Variants in ARID5B observed in about 807,000 individuals in gnomAD.
ARID5B encodes the protein AT-rich interactive domain-containing protein 5B.
A neutral mutation model predicts 97.2 loss-of-function variants in ARID5B; 13 were observed. The ratio of observed to expected loss-of-function variants is 0.13; its 90% CI spans 0.09 to 0.21. The LOEUF is 0.21. ARID5B is among the 10% of genes least tolerant of loss of function. The pLI, the probability that ARID5B is intolerant of heterozygous loss-of-function variation, is 1.00. For missense variants in ARID5B, 1,210 were observed against 1,465.3 expected, an observed-to-expected ratio of 0.83 and a Z score of 2.84; for synonymous variants, 556 against 570.3, an observed-to-expected ratio of 0.97 and a Z score of 0.36.
chr10:61,976,346 C>A (rs1838698079), intron 3 of ARID5B, among the ~76,000 whole-genome samples: 1 of 152,150 alleles, frequency 6.6e-6, no homozygotes, highest in Non-Finnish European at 1.5e-5. Flanking sequence ...ATAACAGAAG[C>A]TATTCTATTG....
At chr10:62,089,189 A>T (rs537794725) in intron 9 of ARID5B, among the ~76,000 whole-genome samples, 1 of 152,332 alleles carries the variant, frequency 6.6e-6, no homozygotes, top group South Asian at 2.1e-4. Flanking sequence ...TCAAGAGACC[A>T]ATGTGATGAT....
intron 2 of ARID5B, among the ~76,000 whole-genome samples, chr10:61,905,065 A>G (rs1843687563): frequency 6.6e-6 from 1 of 152,254 alleles, no homozygotes; most frequent in Admixed American, 6.5e-5. Context: ...TAACTTGTTT[A>G]TATACATTTA....
At position 61,991,570 on chromosome 10, in the gene ARID5B, T is replaced by C. The variant is rs566709729; in HGVS notation, c.503-8521T>C. The stretch of plus-strand genomic sequence containing the variant: ...GGAGTTCTTTATGTATTCTAGTTAT[T>C]AATCCCTTATCAGGTATATGCTTTG... On this transcript the variant is annotated intron_variant, in intron 3 of 9. Coordinates refer to ENST00000279873, the MANE Select transcript of ARID5B (RefSeq NM_032199.3). Among the ~76,000 whole-genome samples, 55 of 152,338 alleles carry C rather than the reference T, an allele frequency of 3.6e-4. 1 individual carries two copies. The highest frequency in any genetic ancestry group is 1.1e-3 in the Admixed American group (17 of 15,304).
At chr10:61,933,015 C>T (rs1367140270) in intron 2 of ARID5B, among the ~76,000 whole-genome samples, 2 of 152,188 alleles carry the variant, frequency 1.3e-5, no homozygotes, top group Non-Finnish European at 2.9e-5. Context: ...GCCAGGAGTT[C>T]AGGCCATATG....
At chr10:62,028,632 T>C (rs1236063986) in intron 4 of ARID5B, among the ~76,000 whole-genome samples, 1 of 152,026 alleles carries the variant, frequency 6.6e-6, no homozygotes, top group African/African-American at 2.4e-5. Context: ...GGATATATTA[T>C]ATATATGAGG....
At chr10:62,012,849 A>G (rs1316257930) in intron 4 of ARID5B, among the ~76,000 whole-genome samples, 1 of 152,238 alleles carries the variant, frequency 6.6e-6, no homozygotes, top group African/African-American at 2.4e-5. Context: ...CTAATATTAC[A>G]TAAAATGAAT....
intron 2 of ARID5B, among the ~76,000 whole-genome samples, chr10:61,903,525 G>T (rs1477228450): frequency 1.3e-5 from 2 of 152,368 alleles, no homozygotes; most frequent in Admixed American, 6.5e-5. Flanking sequence ...GAGGGAGGGC[G>T]CACTGCCGCC....
chr10:61,940,511 T>C, intron 3 of ARID5B, 103 bp downstream of exon 3: 1 of 1,012,810 alleles, frequency 9.9e-7, no homozygotes, highest in Non-Finnish European at 1.4e-6. Flanking sequence ...TAAATGTATT[T>C]CAAATTTCTT....
At chr10:61,971,836 AAT>A (rs776089422) in intron 3 of ARID5B, among the ~76,000 whole-genome samples, 8 of 152,146 alleles carry the variant, frequency 5.3e-5, no homozygotes, top group Non-Finnish European at 1.0e-4. Context: ...TTTTTAATTG[AAT>A]ATATATTGGA....
Position 62,096,797 on chromosome 10 carries a change from C to G in ARID5B, c.*3767C>G. The G allele has an allele frequency of 4.3e-6, 1 of 233,588 alleles. No homozygotes were observed. The allele number at this position is 233,588 out of a possible 1,614,324, so 14.5% of individuals were successfully genotyped here. A position where few individuals can be genotyped will look rare whatever the true frequency, so the allele number is the denominator to read the frequency against. ...GAATGCTGAGCCAACTATAAACACT[C>G]AATTTTGTATGTTTTCCAAATTGTA... On this transcript the variant is annotated 3_prime_UTR_variant, in exon 10 of 10. Transcript: ENST00000279873.
intron 4 of ARID5B, among the ~76,000 whole-genome samples, chr10:62,003,621 C>T (rs1839110265): frequency 6.6e-6 from 1 of 152,162 alleles, no homozygotes; most frequent in African/African-American, 2.4e-5. Flanking sequence ...CTGATGTCCT[C>T]TCTACCTGTG....
chr10:62,063,350 T>G (rs753240157), intron 7 of ARID5B, among the ~76,000 whole-genome samples: 1 of 152,210 alleles, frequency 6.6e-6, no homozygotes, highest in East Asian at 1.9e-4. Context: ...TAACTTGTGA[T>G]TGGATAAAGA....
In ARID5B at chr10:62,080,557, T is replaced by G. The variant is rs554105872; in HGVS notation, c.1200-5145T>G. On this transcript the variant is annotated intron_variant, in intron 8 of 9. Transcript: ENST00000279873. Reference sequence around the variant, plus strand: ...AACTGTAACAAGCATGTGTACCTCATCTTCAGAAAGGAAAAATATACCTTC... The same window carrying G: ...AACTGTAACAAGCATGTGTACCTCAGCTTCAGAAAGGAAAAATATACCTTC... 1.1e-3 allele frequency among the ~76,000 whole-genome samples: 168 copies of G among 152,342 alleles called. 1 individual carries two copies. Among genetic ancestry groups the G allele is most frequent in the African/African-American group, 3.6e-3 (149 of 41,566 alleles).
intron 9 of ARID5B, among the ~76,000 whole-genome samples, chr10:62,089,164 G>A (rs9415640): frequency 0.8 from 121,177 of 152,018 alleles, 48,951 homozygotes; most frequent in Middle Eastern, 0.93. Context: ...CTTTATTTTT[G>A]TGTCATGTAT....
chr10:61,963,788 C>T (rs1838506732), intron 3 of ARID5B, among the ~76,000 whole-genome samples: 1 of 151,876 alleles, frequency 6.6e-6, no homozygotes, highest in Non-Finnish European at 1.5e-5. Flanking sequence ...ATTACTCTAG[C>T]CCCTTCTGTG....
chr10:62,046,804 C>G (rs56140430), intron 4 of ARID5B: 1 of 151,102 alleles, frequency 6.6e-6, no homozygotes, highest in African/African-American at 2.4e-5. Flanking sequence ...TAGTGGGAGT[C>G]TTGCCACCTA....
chr10:61,952,873 C>T (rs952631258), intron 3 of ARID5B, among the ~76,000 whole-genome samples: 2 of 149,268 alleles, frequency 1.3e-5, no homozygotes, highest in African/African-American at 2.5e-5. Flanking sequence ...TGTGTGTGGA[C>T]ATTTTACATC....
intron 2 of ARID5B, among the ~76,000 whole-genome samples, chr10:61,920,852 C>G (rs1326123244): frequency 6.6e-6 from 1 of 152,122 alleles, no homozygotes; most frequent in Admixed American, 6.5e-5. Flanking sequence ...TAGAGGAGAT[C>G]AAACATGTTC....
At chr10:61,905,614 G>A (rs1202744106) in intron 2 of ARID5B, among the ~76,000 whole-genome samples, 1 of 152,084 alleles carries the variant, frequency 6.6e-6, no homozygotes, top group Non-Finnish European at 1.5e-5. Context: ...GAAATTCAAG[G>A]TTATCTTTTC....
Sources: gnomAD v4.1 joint callset for allele counts (sites outside exome capture counted in the v4.1 genomes callset) on GRCh38, gnomAD v4.1.1 for gene constraint, MANE v1.5 for transcripts, NCBI Gene and HGNC (gene_info 2026-07-23, HGNC 2026-07-21) for gene names.